COMMD1: variants seen among roughly 807,000 people sequenced by gnomAD.
COMMD1 encodes COMM domain-containing protein 1.
In COMMD1, 10 loss-of-function variants were observed where a neutral mutation model predicts 17.2. That is an observed-to-expected ratio of 0.58 (90% CI 0.36 to 0.99). The LOEUF (loss-of-function observed/expected upper bound fraction) is 0.99. COMMD1 is among the 50% of genes least tolerant of loss of function. The probability of loss-of-function intolerance (pLI) is 0.01; values close to 1 mark genes in which losing one functional copy is unlikely to be tolerated. For synonymous variants in COMMD1, 97 were observed against 91.6 expected (o/e 1.06, Z -0.34); for missense variants, 270 against 231.8 (o/e 1.17, Z -1.07).
intron 2 of COMMD1, among the ~76,000 whole-genome samples, chr2:62,128,099 A>C (rs953429222): frequency 2.6e-5 from 4 of 151,806 alleles, no homozygotes; most frequent in African/African-American, 7.3e-5. Context: ...AGGCTGAGGC[A>C]GGTGGATCAT....
At chr2:62,042,279 A>G (rs909094354) in intron 2 of COMMD1, among the ~76,000 whole-genome samples, 1 of 152,206 alleles carries the variant, frequency 6.6e-6, no homozygotes, top group Admixed American at 6.5e-5. Flanking sequence ...ACCTTTAGCT[A>G]GACACAGAGT....
At chr2:61,916,525 G>A (rs879856453) in intron 1 of COMMD1, among the ~76,000 whole-genome samples, 31 of 152,066 alleles carry the variant, frequency 2.0e-4, no homozygotes, top group Admixed American at 7.2e-4. Context: ...GGGCTCAAGC[G>A]ATCTTCCTAC....
chr2:62,012,687 A>G (rs539335724), intron 2 of COMMD1, among the ~76,000 whole-genome samples: 1 of 152,098 alleles, frequency 6.6e-6, no homozygotes, highest in Admixed American at 6.5e-5. Context: ...CACAATGTTG[A>G]TTTTCCATTT....
At chr2:62,095,325 C>G (rs553783854) in intron 2 of COMMD1, among the ~76,000 whole-genome samples, 76 of 152,282 alleles carry the variant, frequency 5.0e-4, no homozygotes, top group Non-Finnish European at 8.2e-4. Context: ...CTCCACAAAC[C>G]TCCCATCTGT....
At chr2:62,034,295 C>A (rs963633772) in intron 2 of COMMD1, among the ~76,000 whole-genome samples, 1 of 151,554 alleles carries the variant, frequency 6.6e-6, no homozygotes, top group Non-Finnish European at 1.5e-5. Context: ...TGAGGTCAGA[C>A]GTTCGAGATC....
upstream of COMMD1, chr2:61,888,652 A>G: frequency 1.1e-6 from 1 of 949,426 alleles, no homozygotes; most frequent in East Asian, 2.9e-5. Context: ...GCGGAGGCGG[A>G]GAAGGGGGCC....
chr2:61,897,862 A>G (rs57185514), intron 1 of COMMD1, among the ~76,000 whole-genome samples: 3,813 of 152,178 alleles, frequency 0.025, 210 homozygotes, highest in East Asian at 0.19. Context: ...CATTCTTGCT[A>G]TACTATTTAC....
At chr2:61,957,791 T>A (rs182802734) in intron 1 of COMMD1, among the ~76,000 whole-genome samples, 1 of 152,220 alleles carries the variant, frequency 6.6e-6, no homozygotes, top group African/African-American at 2.4e-5. Flanking sequence ...TAAACCAAAC[T>A]CTTTTCTTCA....
At chr2:62,041,271 A>T (rs2103895218) in intron 2 of COMMD1, among the ~76,000 whole-genome samples, 1 of 152,310 alleles carries the variant, frequency 6.6e-6, no homozygotes. Context: ...ATTAAAAATC[A>T]TGAATCTCTT....
At chr2:62,121,760 GAGAA>G (rs1573210269) in intron 2 of COMMD1, among the ~76,000 whole-genome samples, 1 of 151,346 alleles carries the variant, frequency 6.6e-6, no homozygotes. Flanking sequence ...AAAAGAGAGA[GAGAA>G]AGAGAAAAAA....
intron 2 of COMMD1, among the ~76,000 whole-genome samples, chr2:62,054,036 C>T (rs761029645): frequency 6.6e-6 from 1 of 152,030 alleles, no homozygotes; most frequent in African/African-American, 2.4e-5. Context: ...AAAAAGTGGG[C>T]AAAGGACATG....
At position 61,894,977 on chromosome 2, in the gene COMMD1, C is replaced by T. The variant is rs1021811456; in HGVS notation, n.119+6135C>T. Among the ~76,000 whole-genome samples the T allele has an allele frequency of 5.2e-4, 79 of 152,138 alleles. 7 individuals are homozygous for T. The highest frequency in any genetic ancestry group is 1.5e-4 in the Non-Finnish European group (10 of 68,030). ...AAAGTGCTGGGATTACAGGTGTCAGCCACTACACCTGGTCTAGAAGAATAT... is the reference window on the plus strand; with the variant it reads ...AAAGTGCTGGGATTACAGGTGTCAGTCACTACACCTGGTCTAGAAGAATAT... On this transcript the variant is annotated intron_variant and non_coding_transcript_variant, in intron 1 of 2. Coordinates refer to the COMMD1 transcript ENST00000472729.
At chr2:62,120,825 C>A (rs1279580239) in intron 2 of COMMD1, among the ~76,000 whole-genome samples, 1 of 152,126 alleles carries the variant, frequency 6.6e-6, no homozygotes, top group Non-Finnish European at 1.5e-5. Context: ...TGTGCTCAAG[C>A]AGCCCTCCTG....
chr2:61,926,835 T>G (rs1433630260), intron 1 of COMMD1, among the ~76,000 whole-genome samples: 1 of 152,144 alleles, frequency 6.6e-6, no homozygotes, highest in Non-Finnish European at 1.5e-5. Context: ...AATACCAAAG[T>G]TCACAAAACC....
At position 62,045,106 on chromosome 2, in the gene COMMD1, C is replaced by T. The variant is rs115320559; in HGVS notation, c.462+44124C>T. ...TCAAGTCAGTCTCCCCAAAGGCCTG[C>T]AGGTTAGGGTTTTTATGGACAGTTT... On this transcript the variant is annotated intron_variant, in intron 2 of 2. Coordinates refer to ENST00000311832, the MANE Select transcript of COMMD1 (RefSeq NM_152516.4). Among the ~76,000 whole-genome samples, 497 of 152,192 alleles carry T rather than the reference C, an allele frequency of 3.3e-3. 3 individuals are homozygous for T. The highest frequency in any genetic ancestry group is 6.8e-3 in the Middle Eastern group (2 of 294).
chr2:61,952,789 C>A lies in COMMD1; in HGVS notation c.180+46931C>A, dbSNP rs368238736. ...TGTCTGTGCAGTGGGCAGGAAGGAC[C>A]CACTGGGCGATTATGTTTCTATGGA... On this transcript the variant is annotated intron_variant, in intron 1 of 2. Coordinates refer to ENST00000311832, the MANE Select transcript of COMMD1 (RefSeq NM_152516.4). Among the ~76,000 whole-genome samples, 4 of 152,224 alleles carry A rather than the reference C, an allele frequency of 2.6e-5. No individual in the cohort carries two copies. The East Asian group carries it at 5.8e-4, about 22-fold the overall frequency.
chr2:62,023,143 T>A (rs1041456272), intron 2 of COMMD1, among the ~76,000 whole-genome samples: 3 of 151,940 alleles, frequency 2.0e-5, no homozygotes, highest in African/African-American at 7.3e-5. Context: ...GGAGAATCGC[T>A]TGAACCTGGA....
At chr2:62,082,916 T>G (rs1488690520) in intron 2 of COMMD1, among the ~76,000 whole-genome samples, 1 of 152,296 alleles carries the variant, frequency 6.6e-6, no homozygotes, top group African/African-American at 2.4e-5. Flanking sequence ...TTCCTTGATA[T>G]CAGCTATCCA....
intron 1 of COMMD1, among the ~76,000 whole-genome samples, chr2:61,964,192 C>A (rs1434943540): frequency 6.6e-6 from 1 of 152,082 alleles, no homozygotes; most frequent in Non-Finnish European, 1.5e-5. Flanking sequence ...TTACTCTTTT[C>A]TGTTCTTTCT....
Sources: gnomAD v4.1 joint callset for allele counts (sites outside exome capture counted in the v4.1 genomes callset) on GRCh38, gnomAD v4.1.1 for gene constraint, MANE v1.5 for transcripts, NCBI Gene and HGNC (gene_info 2026-07-23, HGNC 2026-07-21) for gene names.